LRMDA: variants seen among roughly 807,000 people sequenced by gnomAD.
LRMDA encodes leucine rich melanocyte differentiation associated.
In LRMDA, 18 loss-of-function variants were observed where a neutral mutation model predicts 29.8. The ratio of observed to expected loss-of-function variants is 0.60; its 90% confidence interval spans 0.42 to 0.90. The LOEUF is 0.90. Among genes scored for constraint, LRMDA ranks in the 40% least tolerant of loss-of-function variants. The probability of loss-of-function intolerance (pLI) is 0.00; values close to 1 mark genes in which losing one functional copy is unlikely to be tolerated. For synonymous variants in LRMDA, 125 were observed against 109.4 expected (o/e 1.14, Z -0.89); for missense variants, 273 against 273.9 (o/e 1.00, Z 0.02).
intron 2 of LRMDA, among the ~76,000 whole-genome samples, chr10:75,835,494 T>C (rs1199533251): frequency 6.6e-6 from 1 of 152,232 alleles, no homozygotes; most frequent in Non-Finnish European, 1.5e-5. Flanking sequence ...ATTCACAGGT[T>C]CTGAAAATTC....
At chr10:75,702,106 C>T (rs895834975) in intron 2 of LRMDA, among the ~76,000 whole-genome samples, 11 of 152,182 alleles carry the variant, frequency 7.2e-5, no homozygotes, top group African/African-American at 2.7e-4. Flanking sequence ...TCAGTTTAAA[C>T]GTGACTTCTT....
chr10:75,724,820 T>G (rs1842611818), intron 2 of LRMDA, among the ~76,000 whole-genome samples: 1 of 152,210 alleles, frequency 6.6e-6, no homozygotes, highest in Admixed American at 6.5e-5. Context: ...ACCCACAAGA[T>G]GGACAAGTGT....
intron 2 of LRMDA, among the ~76,000 whole-genome samples, chr10:75,777,717 C>T (rs1340595538): frequency 6.6e-6 from 1 of 152,164 alleles, no homozygotes; most frequent in African/African-American, 2.4e-5. Flanking sequence ...CTCACTAGTT[C>T]TGTGATTTGG....
At chr10:76,232,345 G>A (rs1180761983) in intron 5 of LRMDA, among the ~76,000 whole-genome samples, 1 of 152,122 alleles carries the variant, frequency 6.6e-6, no homozygotes, top group African/African-American at 2.4e-5. Context: ...ATGGACATTA[G>A]ACCAATTAAT....
At chr10:75,855,210 C>T (rs1844804264) in intron 2 of LRMDA, among the ~76,000 whole-genome samples, 1 of 152,198 alleles carries the variant, frequency 6.6e-6, no homozygotes, top group African/African-American at 2.4e-5. Context: ...CCTATTTCTC[C>T]ACATCCTCTC....
chr10:75,525,653 C>T (rs1306785982), intron 2 of LRMDA, among the ~76,000 whole-genome samples: 6 of 148,164 alleles, frequency 4.0e-5, no homozygotes, highest in African/African-American at 1.5e-4. Context: ...CATTCCAGAC[C>T]ACTTTTTAAA....
intron 6 of LRMDA, among the ~76,000 whole-genome samples, chr10:76,442,034 T>C (rs955534488): frequency 6.6e-6 from 1 of 152,184 alleles, no homozygotes; most frequent in African/African-American, 2.4e-5. Flanking sequence ...TCATAGAAAG[T>C]ACTAATTTTG....
At chr10:75,481,302 G>A (rs1388789613) in intron 2 of LRMDA, among the ~76,000 whole-genome samples, 3 of 152,090 alleles carry the variant, frequency 2.0e-5, no homozygotes, top group Non-Finnish European at 1.5e-5. Context: ...GAGAGTAGAG[G>A]GAAACCAGCA....
intron 2 of LRMDA, among the ~76,000 whole-genome samples, chr10:75,544,756 C>T (rs998932034): frequency 3.3e-5 from 5 of 151,644 alleles, no homozygotes; most frequent in Non-Finnish European, 5.9e-5. Flanking sequence ...GAGAAACAAT[C>T]GAAATGTTTT....
At chr10:75,748,734 A>T (rs1219049114) in intron 2 of LRMDA, among the ~76,000 whole-genome samples, 3 of 152,240 alleles carry the variant, frequency 2.0e-5, no homozygotes, top group African/African-American at 7.2e-5. Context: ...GTTGTAACCA[A>T]CATTATAAAA....
At chr10:75,652,755 A>C (rs1307173876) in intron 2 of LRMDA, among the ~76,000 whole-genome samples, 3 of 152,156 alleles carry the variant, frequency 2.0e-5, no homozygotes, top group Admixed American at 1.3e-4. Flanking sequence ...CTATCTGTCC[A>C]GGAAGCATTC....
At chr10:76,384,632 T>C (rs1283883765) in intron 6 of LRMDA, among the ~76,000 whole-genome samples, 1 of 152,188 alleles carries the variant, frequency 6.6e-6, no homozygotes, top group Admixed American at 6.5e-5. Flanking sequence ...TTCAGGACTT[T>C]CCGTCCCAGG....
At chr10:75,965,097 AC>A (rs1463493890) in intron 2 of LRMDA, among the ~76,000 whole-genome samples, 4 of 152,124 alleles carry the variant, frequency 2.6e-5, no homozygotes, top group Non-Finnish European at 5.9e-5. Context: ...ACTATTTGGC[AC>A]CCTTAAGCAA....
chr10:76,164,616 C>A (rs1029914173), intron 5 of LRMDA, among the ~76,000 whole-genome samples: 3 of 152,202 alleles, frequency 2.0e-5, no homozygotes, highest in Admixed American at 2.0e-4. Context: ...CCTATCTGGC[C>A]CTTTACAGGA....
At chr10:76,334,386 C>A (rs1224912290) in intron 6 of LRMDA, among the ~76,000 whole-genome samples, 1 of 152,148 alleles carries the variant, frequency 6.6e-6, no homozygotes, top group Non-Finnish European at 1.5e-5. Flanking sequence ...AAACAAACAT[C>A]TGGAATCATG....
intron 2 of LRMDA, among the ~76,000 whole-genome samples, chr10:75,616,352 A>C (rs183442313): frequency 1.2e-3 from 186 of 152,326 alleles, no homozygotes; most frequent in Admixed American, 2.1e-3. Flanking sequence ...CGCCCTTGAC[A>C]TATGGGGATT....
At chr10:75,895,218 G>A (rs1845562513) in intron 2 of LRMDA, among the ~76,000 whole-genome samples, 1 of 152,164 alleles carries the variant, frequency 6.6e-6, no homozygotes, top group Non-Finnish European at 1.5e-5. Flanking sequence ...AACAACATGG[G>A]GAAAGTGGTG....
Position 75,851,925 on chromosome 10 carries a change from C to T in LRMDA, c.132-184083C>T, listed in dbSNP as rs1355878037. Among the ~76,000 whole-genome samples the T allele has an allele frequency of 2.0e-5, 3 of 152,186 alleles. 1 individual carries two copies. The highest frequency in any genetic ancestry group is 4.8e-5 in the African/African-American group (2 of 41,446). The stretch of plus-strand genomic sequence containing the variant: ...ACCTTTGTAGCATTGCTTCAGGAAA[C>T]GAAGAAGGTCCCTTCGGTTGAGATC... On this transcript the variant is annotated intron_variant, in intron 2 of 6. Coordinates refer to ENST00000611255, the MANE Select transcript of LRMDA (RefSeq NM_001305581.2).
chr10:75,682,037 T>A lies in LRMDA; in HGVS notation c.131+243543T>A, dbSNP rs78591491. Among the ~76,000 whole-genome samples, 398 of 152,322 alleles carry A rather than the reference T, an allele frequency of 2.6e-3. 1 individual carries two copies. The highest frequency in any genetic ancestry group is 9.1e-3 in the African/African-American group (378 of 41,576). Reference sequence around the variant, plus strand: ...GGCGGGTCTAACTTTGCTTTCAGCTTTCTTGTGACATTGTAACTCCTTCTT... The same window carrying A: ...GGCGGGTCTAACTTTGCTTTCAGCTATCTTGTGACATTGTAACTCCTTCTT... On this transcript the variant is annotated intron_variant, in intron 2 of 6. Coordinates refer to ENST00000611255, the MANE Select transcript of LRMDA (RefSeq NM_001305581.2).
Sources: gnomAD v4.1 joint callset for allele counts (sites outside exome capture counted in the v4.1 genomes callset) on GRCh38, gnomAD v4.1.1 for gene constraint, MANE v1.5 for transcripts, NCBI Gene and HGNC (gene_info 2026-07-23, HGNC 2026-07-21) for gene names.